ZNF124: variants seen among roughly 807,000 people sequenced by gnomAD.
The protein encoded by ZNF124 is zinc finger protein HZF-16.
Under a neutral mutation model 26.6 loss-of-function variants are expected in ZNF124, and 25 were observed. That is an observed-to-expected ratio of 0.94 (90% CI 0.68 to 1.31). The LOEUF is 1.31. Ranked by LOEUF, ZNF124 falls within the 40% of genes most tolerant of loss-of-function variation. The probability of loss-of-function intolerance (pLI) is 0.00; values close to 1 mark genes in which losing one functional copy is unlikely to be tolerated. For synonymous variants in ZNF124, 129 were observed against 133.3 expected (o/e 0.97, Z 0.22); for missense variants, 444 against 422.2 (o/e 1.05, Z -0.45).
intron 1 of ZNF124, among the ~76,000 whole-genome samples, chr1:247,161,161 C>T (rs997422432): frequency 3.3e-5 from 5 of 152,138 alleles, no homozygotes; most frequent in Non-Finnish European, 7.4e-5. Context: ...TGATGGTTTG[C>T]CTAATACACA....
rs1419832791 is a variant in ZNF124, at chr1:247,155,438, G to T, written c.*1128C>A. 2.0e-5 allele frequency among the ~76,000 whole-genome samples: 3 copies of T among 151,866 alleles called. No homozygotes were observed. Among genetic ancestry groups the T allele is most frequent in the African/African-American group, 7.3e-5 (3 of 41,352 alleles). Reference sequence around the variant, plus strand: ...ATGGCTATGCAAGAAAAAAGGAAAAGAAATACATTTCAATTTACCCATATA... The same window carrying T: ...ATGGCTATGCAAGAAAAAAGGAAAATAAATACATTTCAATTTACCCATATA... On this transcript the variant is annotated 3_prime_UTR_variant, in exon 4 of 4. Coordinates refer to ENST00000543802, the MANE Select transcript of ZNF124 (RefSeq NM_001297568.2).
At chr1:247,151,358 A>G (rs1672935320), downstream of ZNF124, among the ~76,000 whole-genome samples, 1 of 152,030 alleles carries the variant, frequency 6.6e-6, no homozygotes, top group South Asian at 2.1e-4. Context: ...GGGCGCCTGT[A>G]GTCCCAGCTA....
chr1:247,136,675 A>C (rs1046692125), intron 3 of ZNF124, among the ~76,000 whole-genome samples: 2 of 152,170 alleles, frequency 1.3e-5, no homozygotes, highest in Admixed American at 1.3e-4. Context: ...GGCCAGGCAC[A>C]GTGGCTCATG....
chr1:247,159,897 A>C, intron 1 of ZNF124, 84 bp from the exon 2 acceptor site: 1 of 1,411,680 alleles, frequency 7.1e-7, no homozygotes, highest in South Asian at 1.4e-5. Context: ...TGTTCATCTG[A>C]TTCTGTGGCG....
downstream of ZNF124, among the ~76,000 whole-genome samples, chr1:247,152,639 A>G (rs931228132): frequency 3.3e-5 from 5 of 152,108 alleles, no homozygotes; most frequent in African/African-American, 9.7e-5. Flanking sequence ...TTAATGTGCA[A>G]TTTTTCAGGA....
rs1008143796 is a variant in ZNF124, at chr1:247,124,108, G to A, written c.219-237C>T. 3.9e-5 allele frequency among the ~76,000 whole-genome samples: 6 copies of A among 152,028 alleles called. 1 individual carries two copies. Among genetic ancestry groups the A allele is most frequent in the South Asian group, 4.2e-4 (2 of 4,818 alleles). The stretch of plus-strand genomic sequence containing the variant: ...CTCCCAAAGTGCTGGGATTACAGGC[G>A]TGAGCCACTGCGCCCGGCCTACGTG... On this transcript the variant is annotated intron_variant, in intron 3 of 3. Transcript: ENST00000472531.
intron 3 of ZNF124, among the ~76,000 whole-genome samples, chr1:247,146,949 C>G (rs950072094): frequency 2.6e-5 from 4 of 152,050 alleles, no homozygotes; most frequent in African/African-American, 9.7e-5. Flanking sequence ...AATGGGAGGT[C>G]TGGAATGTCC....
At chr1:247,126,377 C>G (rs2103097666) in intron 3 of ZNF124, among the ~76,000 whole-genome samples, 1 of 74,894 alleles carries the variant, frequency 1.3e-5, no homozygotes, top group East Asian at 3.2e-4. Flanking sequence ...CGGGGACTGC[C>G]TAATCCGGCG....
chr1:247,143,867 C>G (rs1238469666), intron 3 of ZNF124, among the ~76,000 whole-genome samples: 1 of 152,128 alleles, frequency 6.6e-6, no homozygotes, highest in African/African-American at 2.4e-5. Context: ...TACTAAGTCT[C>G]TCAGAAAAAA....
chr1:247,160,320 G>A (rs2103125843), intron 1 of ZNF124, among the ~76,000 whole-genome samples: 1 of 152,292 alleles, frequency 6.6e-6, no homozygotes, highest in Admixed American at 6.5e-5. Context: ...GTTCAGCAAG[G>A]CAGCAGCAGA....
intron 3 of ZNF124, among the ~76,000 whole-genome samples, chr1:247,126,120 A>G (rs551008406): frequency 6.6e-6 from 1 of 152,202 alleles, no homozygotes; most frequent in Middle Eastern, 3.4e-3. Flanking sequence ...AATTATTATT[A>G]TATTGTACCC....
chr1:247,131,720 C>T (rs1309659702), intron 3 of ZNF124, among the ~76,000 whole-genome samples: 1 of 152,164 alleles, frequency 6.6e-6, no homozygotes, highest in African/African-American at 2.4e-5. Flanking sequence ...TTGGGTGGGG[C>T]TTCCCTGGAG....
At chr1:247,146,902 G>T (rs983501392) in intron 3 of ZNF124, among the ~76,000 whole-genome samples, 3 of 152,144 alleles carry the variant, frequency 2.0e-5, no homozygotes, top group Non-Finnish European at 4.4e-5. Flanking sequence ...GGTACCGGGG[G>T]GTAGCTTCTG....
intron 3 of ZNF124, among the ~76,000 whole-genome samples, chr1:247,143,605 A>C (rs1414317314): frequency 1.3e-5 from 2 of 152,200 alleles, no homozygotes; most frequent in Non-Finnish European, 2.9e-5. Context: ...TAGAAGTACA[A>C]TGTTCTAATT....
At chr1:247,137,217 C>G (rs1189551014) in intron 3 of ZNF124, among the ~76,000 whole-genome samples, 1 of 151,706 alleles carries the variant, frequency 6.6e-6, no homozygotes, top group Admixed American at 6.6e-5. Context: ...ATCTCTGATT[C>G]AGTAAATGGT....
Position 247,156,360 on chromosome 1 carries a change from G to A in ZNF124, c.*206C>T, listed in dbSNP as rs1269557401. On this transcript the variant is annotated 3_prime_UTR_variant, in exon 4 of 4. Coordinates refer to ENST00000543802, the MANE Select transcript of ZNF124 (RefSeq NM_001297568.2). Reference sequence around the variant, plus strand: ...CATTCATATGGATTTTCTTCAGTGAGTCCTTTCAAGTTTTCAAAAAGAAAT... The same window carrying A: ...CATTCATATGGATTTTCTTCAGTGAATCCTTTCAAGTTTTCAAAAAGAAAT... 7 of 1,246,466 alleles carry A rather than the reference G, an allele frequency of 5.6e-6. No homozygotes were observed. The highest frequency in any genetic ancestry group is 6.0e-6 in the Non-Finnish European group (6 of 996,020). 77.2% of individuals were successfully genotyped at this position (1,246,466 alleles called of 1,614,324 possible).
intron 3 of ZNF124, among the ~76,000 whole-genome samples, chr1:247,142,258 T>C (rs1002421937): frequency 6.6e-6 from 1 of 152,210 alleles, no homozygotes; most frequent in African/African-American, 2.4e-5. Context: ...TGACCAGCAG[T>C]GACAACTTTA....
chr1:247,151,947 C>CTATG (rs1349797062), downstream of ZNF124, among the ~76,000 whole-genome samples: 1 of 151,928 alleles, frequency 6.6e-6, no homozygotes, highest in Non-Finnish European at 1.5e-5. Context: ...GGAAAGTGAC[C>CTATG]TATGCTGTTA....
intron 3 of ZNF124, among the ~76,000 whole-genome samples, chr1:247,137,559 C>T (rs952366914): frequency 6.7e-6 from 1 of 148,988 alleles, no homozygotes; most frequent in African/African-American, 2.5e-5. Flanking sequence ...TGGGCAACTT[C>T]ATGGCAAAAA....
Sources: allele counts gnomAD v4.1 joint callset (sites outside exome capture counted in the v4.1 genomes callset), GRCh38; gene constraint gnomAD v4.1.1; transcripts MANE v1.5; gene names NCBI Gene and HGNC (gene_info 2026-07-23, HGNC 2026-07-21).